RWDD1: variants seen among roughly 807,000 people sequenced by gnomAD.
RWDD1 encodes RWD domain-containing protein 1.
Under a neutral mutation model 31.6 loss-of-function variants are expected in RWDD1, and 17 were observed. The observed-to-expected ratio is 0.54, with a 90% CI of 0.37 to 0.81. RWDD1 has a LOEUF of 0.81. Among genes scored for constraint, RWDD1 ranks in the 30% least tolerant of loss-of-function variants. RWDD1 has a pLI of 0.00. For synonymous variants in RWDD1, 78 were observed against 94.2 expected, an observed-to-expected ratio of 0.83 and a Z score of 0.99; for missense variants, 204 against 274.5, an observed-to-expected ratio of 0.74 and a Z score of 1.82.
intron 4 of RWDD1, 22 bp from the exon 5 acceptor site, chr6:116,590,250 C>CT (rs2243349): frequency 0.024 from 24,483 of 1,032,782 alleles, no homozygotes; most frequent in South Asian, 0.032. Flanking sequence ...AATCTGGTGA[C>CT]TTTTTTTTTT....
chr6:116,575,455 T>C (rs1774822434), intron 1 of RWDD1, among the ~76,000 whole-genome samples: 1 of 152,200 alleles, frequency 6.6e-6, no homozygotes, highest in South Asian at 2.1e-4. Flanking sequence ...ATCTTTCTTC[T>C]ACTTACCCTA....
chr6:116,589,173 T>A (rs1775095235), intron 4 of RWDD1, among the ~76,000 whole-genome samples, 188 bp downstream of exon 4: 1 of 152,070 alleles, frequency 6.6e-6, no homozygotes, highest in Admixed American at 6.6e-5. Flanking sequence ...GCATGAGTAA[T>A]GAATGATAAT....
intron 2 of RWDD1, among the ~76,000 whole-genome samples, chr6:116,584,291 C>T (rs1364890361): frequency 6.6e-6 from 1 of 152,232 alleles, no homozygotes; most frequent in East Asian, 1.9e-4. Flanking sequence ...GCCCTGCTGA[C>T]ATTGTGTGGA....
In RWDD1 at chr6:116,590,262, AT is replaced by A; in HGVS notation, c.415-7del. The A allele has an allele frequency of 7.0e-7, 1 of 1,432,004 alleles. No homozygotes were observed. The highest frequency in any genetic ancestry group is 9.4e-7 in the Non-Finnish European group (1 of 1,067,420). 88.7% of individuals were successfully genotyped at this position (1,432,004 alleles called of 1,614,324 possible). On this transcript the variant is annotated splice_polypyrimidine_tract_variant and intron_variant, in intron 4 of 6. Transcript: ENST00000466444. ...ATTAATCTGGTGACTTTTTTTTTTTATTTCCTAAGCAATTATTCCATGGTAC... is the reference window on the plus strand; with the variant it reads ...ATTAATCTGGTGACTTTTTTTTTTTATTCCTAAGCAATTATTCCATGGTAC...
intron 1 of RWDD1, among the ~76,000 whole-genome samples, chr6:116,576,781 G>C (rs550435191): frequency 1.3e-5 from 2 of 152,244 alleles, no homozygotes; most frequent in South Asian, 4.1e-4. Flanking sequence ...TTCCAGCCTG[G>C]GACCCACATA....
intron 2 of RWDD1, among the ~76,000 whole-genome samples, chr6:116,582,957 T>C (rs1583332443): frequency 1.3e-5 from 2 of 151,186 alleles, no homozygotes; most frequent in East Asian, 3.9e-4. Flanking sequence ...ATTTTCTTTT[T>C]TTTTTTTTTT....
intron 6 of RWDD1, among the ~76,000 whole-genome samples, chr6:116,591,318 A>G (rs1775140459): frequency 6.6e-6 from 1 of 152,196 alleles, no homozygotes; most frequent in Non-Finnish European, 1.5e-5. Flanking sequence ...TAACTTAAGC[A>G]ATATCAAAGA....
At chr6:116,586,946 A>C (rs565254796) in intron 3 of RWDD1, among the ~76,000 whole-genome samples, 44 of 152,344 alleles carry the variant, frequency 2.9e-4, no homozygotes, top group South Asian at 8.3e-4. Context: ...TGACAAGGTG[A>C]AAATGGAATG....
chr6:116,581,028 G>A (rs1774939384), intron 2 of RWDD1, among the ~76,000 whole-genome samples: 1 of 152,010 alleles, frequency 6.6e-6, no homozygotes, highest in Non-Finnish European at 1.5e-5. Flanking sequence ...AATTCTGCCA[G>A]GAGCAGTCAT....
chr6:116,588,796 T>C (rs1300524264), intron 3 of RWDD1, 46 bp from the exon 4 acceptor site: 5 of 1,424,466 alleles, frequency 3.5e-6, no homozygotes, highest in African/African-American at 1.5e-5. Context: ...GTATGGACTT[T>C]TATTTTTCTG....
Position 116,578,097 on chromosome 6 carries a change from A to G in RWDD1, c.74-2198A>G, listed in dbSNP as rs541729562. 2.0e-4 allele frequency among the ~76,000 whole-genome samples: 30 copies of G among 152,282 alleles called. No individual in the cohort carries two copies. The South Asian group carries it at 2.9e-3, about 15-fold the overall frequency. ...GTTTTCTTTTTAAATGATGCTCTAT[A>G]TAGTTTATTCTGTTTGTTCAGTTAC... On this transcript the variant is annotated intron_variant, in intron 1 of 6. Coordinates refer to ENST00000466444, the MANE Select transcript of RWDD1 (RefSeq NM_015952.4).
intron 2 of RWDD1, among the ~76,000 whole-genome samples, chr6:116,580,753 T>C (rs1774934262): frequency 6.6e-6 from 1 of 152,150 alleles, no homozygotes; most frequent in African/African-American, 2.4e-5. Context: ...TTTAGATTGT[T>C]CACTGGACAT....
intron 5 of RWDD1, among the ~76,000 whole-genome samples, 189 bp from the exon 6 acceptor site, chr6:116,590,699 C>T (rs1372385724): frequency 6.6e-6 from 1 of 152,072 alleles, no homozygotes; most frequent in Non-Finnish European, 1.5e-5. Flanking sequence ...TACCCCAAGG[C>T]AGACTGGGTT....
At chr6:116,573,031 T>C (rs537931294) in intron 1 of RWDD1, 1 of 976,290 alleles carries the variant, frequency 1.0e-6, no homozygotes, top group South Asian at 4.7e-5. Context: ...CTTGCTTATA[T>C]GTGTATGTCT....
At chr6:116,574,562 T>C (rs1774800522) in intron 1 of RWDD1, among the ~76,000 whole-genome samples, 1 of 152,198 alleles carries the variant, frequency 6.6e-6, no homozygotes, top group African/African-American at 2.4e-5. Flanking sequence ...ATTATCCCTG[T>C]TTTTGACAAA....
chr6:116,576,108 C>T (rs1162089576), intron 1 of RWDD1, among the ~76,000 whole-genome samples: 3 of 152,208 alleles, frequency 2.0e-5, no homozygotes, highest in South Asian at 2.1e-4. Context: ...ACTTGCTTCA[C>T]GTTTTTTTCT....
chr6:116,580,747 G>C (rs1285182172), intron 2 of RWDD1, among the ~76,000 whole-genome samples: 4 of 152,030 alleles, frequency 2.6e-5, no homozygotes, highest in Non-Finnish European at 5.9e-5. Flanking sequence ...TGAACATTTA[G>C]ATTGTTCACT....
intron 4 of RWDD1, 110 bp downstream of exon 4, chr6:116,589,095 T>C: frequency 1.1e-6 from 1 of 909,590 alleles, no homozygotes; most frequent in Non-Finnish European, 1.4e-6. Flanking sequence ...ATCACAAAAA[T>C]AAATAAAAGT....
At chr6:116,580,767 G>T (rs901525253) in intron 2 of RWDD1, among the ~76,000 whole-genome samples, 1 of 151,958 alleles carries the variant, frequency 6.6e-6, no homozygotes, top group Admixed American at 6.6e-5. Context: ...TGGACATTTG[G>T]TGTTATAAAT....
Sources: allele counts gnomAD v4.1 joint callset (sites outside exome capture counted in the v4.1 genomes callset), GRCh38; gene constraint gnomAD v4.1.1; transcripts MANE v1.5; gene names NCBI Gene and HGNC (gene_info 2026-07-23, HGNC 2026-07-21).